Variants in CCDC7 observed in about 807,000 individuals in gnomAD.
CCDC7 encodes coiled-coil domain containing 7.
In CCDC7, 183 loss-of-function variants were observed where a neutral mutation model predicts 196.9. The ratio of observed to expected loss-of-function variants is 0.93; its 90% CI spans 0.82 to 1.05. The LOEUF (loss-of-function observed/expected upper bound fraction) is 1.05, where lower values mean the gene tolerates loss of function less well. Among genes scored for constraint, CCDC7 ranks in the 50% least tolerant of loss-of-function variants. The pLI, the probability that CCDC7 is intolerant of heterozygous loss-of-function variation, is 0.00. For synonymous variants in CCDC7, 525 were observed against 484.6 expected (o/e 1.08, Z -1.10); for missense variants, 1,540 against 1,482.2 (o/e 1.04, Z -0.64).
intron 39 of CCDC7, among the ~76,000 whole-genome samples, chr10:32,849,231 A>T (rs979053716): frequency 6.6e-6 from 1 of 151,996 alleles, no homozygotes; most frequent in South Asian, 2.1e-4. Flanking sequence ...CCTAAAACTT[A>T]AAAAAGCATA....
At chr10:32,830,517 G>T (rs937543105) in intron 32 of CCDC7, among the ~76,000 whole-genome samples, 1 of 151,994 alleles carries the variant, frequency 6.6e-6, no homozygotes, top group South Asian at 2.1e-4. Context: ...AAAAGAATTC[G>T]TAAAATCTAT....
chr10:32,634,181 A>C (rs1230455384), intron 18 of CCDC7, 73 bp from the exon 20 acceptor site: 3 of 607,606 alleles, frequency 4.9e-6, no homozygotes, highest in Non-Finnish European at 7.1e-6. Flanking sequence ...TACATGTTTA[A>C]AATGTGAAAT....
chr10:32,569,456 C>T (rs749847097), intron 15 of CCDC7, among the ~76,000 whole-genome samples: 2 of 151,798 alleles, frequency 1.3e-5, no homozygotes, highest in Non-Finnish European at 2.9e-5. Context: ...GATGGAGTTT[C>T]TCTTTTATTG....
chr10:32,663,223 T>C (rs1029408677), intron 20 of CCDC7, among the ~76,000 whole-genome samples: 1 of 152,118 alleles, frequency 6.6e-6, no homozygotes, highest in African/African-American at 2.4e-5. Flanking sequence ...TCTTCTATGG[T>C]CTCTTTTGAT....
intron 18 of CCDC7, among the ~76,000 whole-genome samples, chr10:32,605,555 CA>C (rs755151344): frequency 1.9e-4 from 29 of 152,160 alleles, no homozygotes; most frequent in Non-Finnish European, 1.2e-4. Flanking sequence ...GAGGAGGTCT[CA>C]AGATGCAAAT....
intron 16 of CCDC7, among the ~76,000 whole-genome samples, chr10:32,578,163 A>G (rs1046788093): frequency 6.6e-6 from 1 of 152,144 alleles, no homozygotes; most frequent in African/African-American, 2.4e-5. Context: ...AGTTGCATTG[A>G]TATAGTGCTT....
chr10:32,615,967 A>T (rs1282407597), intron 18 of CCDC7, among the ~76,000 whole-genome samples: 1 of 151,962 alleles, frequency 6.6e-6, no homozygotes, highest in East Asian at 1.9e-4. Context: ...AATTGGTCAA[A>T]AATCAGTTGA....
At chr10:32,832,272 T>C (rs11009105) in intron 32 of CCDC7, among the ~76,000 whole-genome samples, 13,759 of 151,848 alleles carry the variant, frequency 0.091, 891 homozygotes, top group East Asian at 0.33. Flanking sequence ...GAGGCCAAGG[T>C]GGGGGTGGAT....
intron 7 of CCDC7, among the ~76,000 whole-genome samples, chr10:32,472,924 G>A (rs2038247142): frequency 1.3e-5 from 2 of 152,138 alleles, no homozygotes; most frequent in South Asian, 4.1e-4. Context: ...TTTCCTAAGT[G>A]TATGAACATT....
At chr10:32,523,591 T>A (rs936979079) in intron 11 of CCDC7, among the ~76,000 whole-genome samples, 1 of 152,046 alleles carries the variant, frequency 6.6e-6, no homozygotes, top group Non-Finnish European at 1.5e-5. Flanking sequence ...CTCCAGCTAT[T>A]ATTGTATTGA....
chr10:32,682,723 G>A (rs901482831), intron 21 of CCDC7, among the ~76,000 whole-genome samples: 3 of 152,134 alleles, frequency 2.0e-5, no homozygotes, highest in Non-Finnish European at 4.4e-5. Context: ...TTATGGTTTT[G>A]ATTTGCATTT....
intron 29 of CCDC7, among the ~76,000 whole-genome samples, chr10:32,798,728 C>G (rs896927258): frequency 2.0e-5 from 3 of 152,238 alleles, no homozygotes; most frequent in African/African-American, 7.2e-5. Context: ...GAGTGCACAA[C>G]CAGGTGCACT....
At chr10:32,869,204 A>C (rs1441968638) in intron 41 of CCDC7, among the ~76,000 whole-genome samples, 2 of 152,006 alleles carry the variant, frequency 1.3e-5, no homozygotes, top group Non-Finnish European at 2.9e-5. Flanking sequence ...AAGTGTTCTT[A>C]TTTCTCCACA....
chr10:32,881,301 C>T (rs2094782066), downstream of CCDC7, among the ~76,000 whole-genome samples: 1 of 152,008 alleles, frequency 6.6e-6, no homozygotes. Flanking sequence ...GTGTTGTGTT[C>T]TTATCTATGT....
chr10:32,691,880 G>T (rs546555756), intron 23 of CCDC7, among the ~76,000 whole-genome samples: 1 of 152,180 alleles, frequency 6.6e-6, no homozygotes. Context: ...GCCAAAAATA[G>T]TTCCCAACTG....
intron 11 of CCDC7, among the ~76,000 whole-genome samples, chr10:32,529,753 T>G (rs1198761360): frequency 6.6e-6 from 1 of 152,246 alleles, no homozygotes; most frequent in African/African-American, 2.4e-5. Context: ...TTTCTTTTCC[T>G]GTGCAGAAGG....
intron 8 of CCDC7, among the ~76,000 whole-genome samples, chr10:32,488,742 G>A (rs573703329): frequency 6.6e-6 from 1 of 152,312 alleles, no homozygotes; most frequent in African/African-American, 2.4e-5. Flanking sequence ...TTGTCCATCA[G>A]TGTTTTCTTA....
intron 20 of CCDC7, among the ~76,000 whole-genome samples, chr10:32,662,370 A>T (rs572633923): frequency 6.6e-6 from 1 of 152,204 alleles, no homozygotes; most frequent in East Asian, 1.9e-4. Context: ...TCCTGTATAG[A>T]TAGTTTTAAA....
chr10:32,671,797 C>T (rs2074106026), intron 21 of CCDC7, among the ~76,000 whole-genome samples: 1 of 152,098 alleles, frequency 6.6e-6, no homozygotes, highest in Non-Finnish European at 1.5e-5. Flanking sequence ...TTCTGGCACT[C>T]ATGAGATTGA....
Sources: gnomAD v4.1 joint callset for allele counts (sites outside exome capture counted in the v4.1 genomes callset) on GRCh38, gnomAD v4.1.1 for gene constraint, MANE v1.5 for transcripts, NCBI Gene and HGNC (gene_info 2026-07-23, HGNC 2026-07-21) for gene names.